ITIH2: variants seen among roughly 807,000 people sequenced by gnomAD.
ITIH2 encodes inter-alpha-trypsin inhibitor heavy chain 2.
A neutral mutation model predicts 104.4 loss-of-function variants in ITIH2; 103 were observed. The ratio of observed to expected loss-of-function variants is 0.99; its 90% confidence interval spans 0.84 to 1.16. The LOEUF (loss-of-function observed/expected upper bound fraction) is 1.16, where lower values mean the gene tolerates loss of function less well. Among genes scored for constraint, ITIH2 ranks in the 50% most tolerant of loss-of-function variants. The probability of loss-of-function intolerance (pLI) is 0.00; values close to 1 mark genes in which losing one functional copy is unlikely to be tolerated. For synonymous variants in ITIH2, 436 were observed against 435.4 expected (o/e 1.00, Z -0.02); for missense variants, 1,108 against 1,162.4 (o/e 0.95, Z 0.68).
At chr10:7,718,532 T>C (rs983558678) in intron 6 of ITIH2, among the ~76,000 whole-genome samples, 1 of 150,740 alleles carries the variant, frequency 6.6e-6, no homozygotes, top group African/African-American at 2.5e-5. Context: ...AGTTATTTTT[T>C]TTTTAACTTT....
chr10:7,727,667 A>G lies in ITIH2; in HGVS notation c.1154-36A>G, dbSNP rs781750816. 1.4e-4 allele frequency: 231 copies of G among 1,609,372 alleles called. No individual in the cohort carries two copies. In the Middle Eastern group the frequency reaches 2.0e-3, roughly 14 times the overall value. On this transcript the variant is annotated intron_variant, in intron 10 of 20. Coordinates refer to ENST00000358415, the MANE Select transcript of ITIH2 (RefSeq NM_002216.3). ...ATGGGATTTTCTGCGTGTGGCGAGA[A>G]CGCATACCCAACGTTTCATTATGCT...
chr10:7,732,686 A>C (rs1835015244), intron 14 of ITIH2, among the ~76,000 whole-genome samples: 1 of 152,102 alleles, frequency 6.6e-6, no homozygotes, highest in South Asian at 2.1e-4. Context: ...CATACAGTAA[A>C]GTATGCAAAA....
intron 19 of ITIH2, among the ~76,000 whole-genome samples, chr10:7,746,304 G>C (rs1047975136): frequency 2.0e-5 from 3 of 151,730 alleles, no homozygotes; most frequent in Admixed American, 2.0e-4. Context: ...GAGCCCAGGA[G>C]GTGGAGGTTG....
intron 15 of ITIH2, among the ~76,000 whole-genome samples, chr10:7,737,271 G>C (rs902750775): frequency 6.6e-6 from 1 of 151,092 alleles, no homozygotes; most frequent in African/African-American, 2.4e-5. Flanking sequence ...AAAGTATCCA[G>C]GCACCCCCGA....
At position 7,744,891 on chromosome 10, in the gene ITIH2, G is replaced by A. The variant is rs915448250; in HGVS notation, c.2509G>A (p.Val837Ile). ...LLHRVWKKHP[V>I]NVDFLGIYIP... ...TCATCGTGTTTGGAAGAAGCATCCCGTCAATGTTGACTTTCTGGGAATCTA... is the reference window on the plus strand; with the variant it reads ...TCATCGTGTTTGGAAGAAGCATCCCATCAATGTTGACTTTCTGGGAATCTA... Residue 837 changes from valine to isoleucine, a missense_variant, in exon 19 of 21, where the codon GTC (valine) becomes ATC (isoleucine). Coordinates refer to ENST00000358415, the MANE Select transcript of ITIH2 (RefSeq NM_002216.3). The A allele has an allele frequency of 1.1e-5, 17 of 1,613,970 alleles. No individual in the cohort carries two copies. The highest frequency in any genetic ancestry group is 1.6e-4 in the Middle Eastern group (1 of 6,082).
At position 7,709,012 on chromosome 10, in the gene ITIH2, C is replaced by T. The variant is rs752993313; in HGVS notation, c.193-10C>T. 1.9e-6 allele frequency: 3 copies of T among 1,611,866 alleles called. No individual in the cohort carries two copies. Among genetic ancestry groups the T allele is most frequent in the Admixed American group, 1.7e-5 (1 of 59,966 alleles). On this transcript the variant is annotated splice_polypyrimidine_tract_variant and intron_variant, in intron 3 of 20. Transcript: ENST00000358415. Reference sequence around the variant, plus strand: ...CTATCAGTACAGTTATGCTTTCTTGCCAATTTCAGGAAGAGGTTGATCAAG... The same window carrying T: ...CTATCAGTACAGTTATGCTTTCTTGTCAATTTCAGGAAGAGGTTGATCAAG...
intron 19 of ITIH2, 61 bp from the exon 20 acceptor site, chr10:7,746,532 T>C (rs7912419): frequency 0.83 from 949,293 of 1,138,930 alleles, 396,228 homozygotes; most frequent in East Asian, 0.9. Context: ...GAGTCAATAA[T>C]GAGCCTCTTT....
Position 7,747,476 on chromosome 10 carries a change from A to G in ITIH2, c.2693+772A>G, listed in dbSNP as rs141648082. Among the ~76,000 whole-genome samples, 848 of 152,370 alleles carry G rather than the reference A, an allele frequency of 5.6e-3. 14 individuals carry two copies. The highest frequency in any genetic ancestry group is 0.02 in the African/African-American group (814 of 41,586). On this transcript the variant is annotated intron_variant, in intron 20 of 20. Transcript: ENST00000358415. ...GGATTCTTAGTGAATATGCCATTCA[A>G]TTAGTATCAGTTTATGGGAGGAATG...
At chr10:7,719,760 CAAAAAAAAAAAA>C (rs71385664) in intron 6 of ITIH2, among the ~76,000 whole-genome samples, 26 of 41,718 alleles carry the variant, frequency 6.2e-4, no homozygotes, top group Non-Finnish European at 1.6e-4. Flanking sequence ...GACCCTGTCT[CAAAAAAAAAAAA>C]AAAAAAAAAA....
At chr10:7,737,270 A>G (rs1194636686) in intron 15 of ITIH2, among the ~76,000 whole-genome samples, 1 of 151,204 alleles carries the variant, frequency 6.6e-6, no homozygotes, top group Non-Finnish European at 1.5e-5. Flanking sequence ...GAAAGTATCC[A>G]GGCACCCCCG....
intron 6 of ITIH2, 116 bp downstream of exon 6, chr10:7,717,904 A>G: frequency 1.0e-6 from 1 of 967,794 alleles, no homozygotes; most frequent in Non-Finnish European, 1.6e-6. Context: ...TCAACTCTAC[A>G]AGACAGTGGG....
At chr10:7,724,551 C>T (rs1367834390) in intron 9 of ITIH2, among the ~76,000 whole-genome samples, 1 of 97,230 alleles carries the variant, frequency 1.0e-5, no homozygotes, top group Non-Finnish European at 2.0e-5. Flanking sequence ...GCCTGGGCAA[C>T]AAGAGCGAAA....
chr10:7,744,788 C>G lies in ITIH2; in HGVS notation c.2409-3C>G, dbSNP rs1410866108. ...TTTAATTCCTCTTGGACTTTCACACCAGGGTGCAGATCTCAGTGAAGAAAG... is the reference window on the plus strand; with the variant it reads ...TTTAATTCCTCTTGGACTTTCACACGAGGGTGCAGATCTCAGTGAAGAAAG... On this transcript the variant is annotated splice_region_variant and splice_polypyrimidine_tract_variant and intron_variant, in intron 18 of 20. Coordinates refer to ENST00000358415, the MANE Select transcript of ITIH2 (RefSeq NM_002216.3). The G allele has an allele frequency of 2.5e-6, 4 of 1,612,136 alleles. No individual in the cohort carries two copies. Among genetic ancestry groups the G allele is most frequent in the Non-Finnish European group, 3.4e-6 (4 of 1,179,008 alleles).
intron 19 of ITIH2, among the ~76,000 whole-genome samples, chr10:7,745,244 A>G (rs919298436): frequency 6.6e-6 from 1 of 152,198 alleles, no homozygotes; most frequent in Non-Finnish European, 1.5e-5. Flanking sequence ...TTCTAACTGA[A>G]GCAAGATGAA....
rs1441248594 is a variant in ITIH2, at chr10:7,720,982, G to A, written c.738+19G>A. 7.5e-6 allele frequency: 11 copies of A among 1,471,600 alleles called. No homozygotes were observed. Among genetic ancestry groups the A allele is most frequent in the Non-Finnish European group, 1.0e-5 (11 of 1,050,572 alleles). 91.2% of individuals were successfully genotyped at this position (1,471,600 alleles called of 1,614,324 possible). On this transcript the variant is annotated intron_variant, in intron 7 of 20. Coordinates refer to ENST00000358415, the MANE Select transcript of ITIH2 (RefSeq NM_002216.3). ...ACAGAAGGTACCCTGAGCCCTGTGT[G>A]TTGCCAGGCATTCACAGGGCCTCTG...
At chr10:7,728,168 G>A (rs984937560) in intron 11 of ITIH2, among the ~76,000 whole-genome samples, 1 of 152,110 alleles carries the variant, frequency 6.6e-6, no homozygotes, top group Non-Finnish European at 1.5e-5. Flanking sequence ...GTGTATGGGG[G>A]TGGTGAATGA....
chr10:7,742,817 G>T (rs372947905), intron 16 of ITIH2, among the ~76,000 whole-genome samples: 1 of 152,002 alleles, frequency 6.6e-6, no homozygotes, highest in Non-Finnish European at 1.5e-5. Context: ...TATATTTGTG[G>T]GTGCATATTT....
At chr10:7,716,886 G>A (rs986645316) in intron 5 of ITIH2, among the ~76,000 whole-genome samples, 2 of 151,788 alleles carry the variant, frequency 1.3e-5, no homozygotes, top group Non-Finnish European at 2.9e-5. Context: ...CCAACCTTGG[G>A]TGTGAGTTCT....
intron 11 of ITIH2, 33 bp downstream of exon 11, chr10:7,727,861 A>C: frequency 6.2e-7 from 1 of 1,612,034 alleles, no homozygotes; most frequent in East Asian, 2.2e-5. Flanking sequence ...CACGACAAAC[A>C]CTTTCACTGT....
Sources: allele counts gnomAD v4.1 joint callset (sites outside exome capture counted in the v4.1 genomes callset), GRCh38; gene constraint gnomAD v4.1.1; transcripts MANE v1.5; gene names NCBI Gene and HGNC (gene_info 2026-07-23, HGNC 2026-07-21).